PLD5: variants seen among roughly 807,000 people sequenced by gnomAD.
The protein encoded by PLD5 is inactive phospholipase D5.
PLD5 carries 36 observed loss-of-function variants against 61.1 expected under a neutral mutation model. That is an observed-to-expected ratio of 0.59 (90% CI 0.45 to 0.78). The LOEUF (loss-of-function observed/expected upper bound fraction) is 0.78, where lower values mean the gene tolerates loss of function less well. Among genes scored for constraint, PLD5 ranks in the 30% least tolerant of loss-of-function variants. PLD5 has a pLI of 0.00. For synonymous variants in PLD5, 243 were observed against 242.8 expected (o/e 1.00, Z -0.01); for missense variants, 515 against 644.4 (o/e 0.80, Z 2.17).
At chr1:242,097,680 C>A (rs1174081735) in intron 9 of PLD5, among the ~76,000 whole-genome samples, 1 of 152,048 alleles carries the variant, frequency 6.6e-6, no homozygotes, top group East Asian at 1.9e-4. Context: ...CAAAAATTTT[C>A]TCCCATTCTG....
At chr1:242,115,664 A>AAAAAAAAAAAAATCG (rs770237708) in intron 6 of PLD5, among the ~76,000 whole-genome samples, 11,171 of 151,066 alleles carry the variant, frequency 0.074, 492 homozygotes, top group African/African-American at 0.11. Context: ...TCTAAAAAAA[A>AAAAAAAAAAAAATCG]AAAAATCTTG....
intron 1 of PLD5, among the ~76,000 whole-genome samples, chr1:242,371,804 C>T (rs559879217): frequency 4.5e-4 from 69 of 152,080 alleles, no homozygotes; most frequent in Middle Eastern, 3.4e-3. Context: ...TATAGAGTGA[C>T]CTCAGTGGTA....
chr1:242,309,987 A>G (rs1488210674), intron 2 of PLD5, among the ~76,000 whole-genome samples: 4 of 151,634 alleles, frequency 2.6e-5, no homozygotes, highest in Non-Finnish European at 5.9e-5. Context: ...AGCTCACTCA[A>G]CAGTGGGTTT....
intron 1 of PLD5, among the ~76,000 whole-genome samples, chr1:242,449,850 C>T (rs767625142): frequency 1.7e-4 from 26 of 152,160 alleles, no homozygotes; most frequent in Non-Finnish European, 3.1e-4. Context: ...CAAAGACGAG[C>T]GAAGAGGGGC....
intron 3 of PLD5, among the ~76,000 whole-genome samples, chr1:242,267,627 C>T (rs1333457266): frequency 2.6e-5 from 4 of 151,886 alleles, no homozygotes. Flanking sequence ...TCCTTGTAAT[C>T]CCAGTGCTTT....
Position 242,182,404 on chromosome 1 carries a change from C to T in PLD5, c.735+37584G>A, listed in dbSNP as rs532867062. Among the ~76,000 whole-genome samples, 30 of 152,226 alleles carry T rather than the reference C, an allele frequency of 2.0e-4. No homozygotes were observed. The Middle Eastern group carries it at 0.01, about 52-fold the overall frequency. On this transcript the variant is annotated intron_variant, in intron 5 of 9. Transcript: ENST00000536534. ...AAAAACTATTCTGAAATTATTTATA[C>T]CTACCTCTATCTCTGTCTCTATCTG... is the stretch of plus-strand genomic sequence containing the variant.
chr1:242,287,904 T>C (rs1308989439), intron 3 of PLD5, among the ~76,000 whole-genome samples: 1 of 152,138 alleles, frequency 6.6e-6, no homozygotes, highest in African/African-American at 2.4e-5. Flanking sequence ...TCCTGGGAAA[T>C]TTCACTCTAT....
intron 2 of PLD5, chr1:242,345,559 A>G (rs2580213): frequency 7.6e-7 from 1 of 1,307,406 alleles, no homozygotes; most frequent in Non-Finnish European, 1.1e-6. Context: ...CTCACTCCCC[A>G]GGAAATGATT....
chr1:242,216,352 G>A (rs1043922127), intron 5 of PLD5, among the ~76,000 whole-genome samples: 6 of 152,160 alleles, frequency 3.9e-5, no homozygotes, highest in Non-Finnish European at 8.8e-5. Flanking sequence ...ACAAACCTTG[G>A]AAGGCTGGAA....
chr1:242,381,269 G>A (rs900218229), intron 1 of PLD5, among the ~76,000 whole-genome samples: 1 of 152,154 alleles, frequency 6.6e-6, no homozygotes, highest in Non-Finnish European at 1.5e-5. Flanking sequence ...GGAGCTGGAG[G>A]CCATTATCCT....
chr1:242,356,172 A>G (rs1197574606), intron 1 of PLD5, among the ~76,000 whole-genome samples: 1 of 152,100 alleles, frequency 6.6e-6, no homozygotes, highest in Admixed American at 6.6e-5. Context: ...AGTGATTATT[A>G]AATCCTCTAC....
chr1:242,375,301 C>G (rs986406362), intron 1 of PLD5, among the ~76,000 whole-genome samples: 14 of 152,136 alleles, frequency 9.2e-5, no homozygotes, highest in Non-Finnish European at 1.6e-4. Flanking sequence ...TTTTAAAGTC[C>G]CCCCATTCTT....
chr1:242,094,747 C>A (rs1660091980), intron 9 of PLD5, among the ~76,000 whole-genome samples: 1 of 151,998 alleles, frequency 6.6e-6, no homozygotes, highest in Admixed American at 6.6e-5. Flanking sequence ...GTGTTAGGAG[C>A]TCTTCATACA....
chr1:242,327,586 G>A (rs1436932945), intron 2 of PLD5, among the ~76,000 whole-genome samples: 1 of 152,076 alleles, frequency 6.6e-6, no homozygotes, highest in African/African-American at 2.4e-5. Flanking sequence ...CTGACTCCTT[G>A]AAAATGTTAT....
At chr1:242,435,819 A>G (rs558849558) in intron 1 of PLD5, among the ~76,000 whole-genome samples, 1 of 152,292 alleles carries the variant, frequency 6.6e-6, no homozygotes, top group East Asian at 1.9e-4. Flanking sequence ...TACCTTTGAC[A>G]TGGGAAGCAT....
chr1:242,396,668 C>CTTTCTT lies in PLD5; in HGVS notation c.190-48427_190-48426insAAGAAA, dbSNP rs1479365427. Among the ~76,000 whole-genome samples the CTTTCTT allele has an allele frequency of 5.7e-3, 707 of 124,974 alleles. 22 individuals are homozygous for CTTTCTT. Among genetic ancestry groups the CTTTCTT allele is most frequent in the East Asian group, 0.024 (107 of 4,444 alleles). The allele number at this position is 124,974 out of a possible 152,430, so 82.0% of individuals were successfully genotyped here. A position where few individuals can be genotyped will look rare whatever the true frequency, so the allele number is the denominator to read the frequency against. On this transcript the variant is annotated intron_variant, in intron 1 of 9. Coordinates refer to ENST00000536534, the MANE Select transcript of PLD5 (RefSeq NM_001372062.1). ...GCATGCTATTTTCTTTCTTTCTTTT[C>CTTTCTT]TTTTCTTTTTTTTTTTTTTTTTTGA... is the stretch of plus-strand genomic sequence containing the variant.
chr1:242,524,182 C>G lies in PLD5; in HGVS notation c.95G>C (p.Ser32Thr), dbSNP rs764736557. 1 of 1,534,682 alleles carries G rather than the reference C, an allele frequency of 6.5e-7. No individual in the cohort carries two copies. Among genetic ancestry groups the G allele is most frequent in the South Asian group, 1.2e-5 (1 of 84,054 alleles). ...GAAGTTCGCGCCCACTCGGGTCAGG[C>G]TTGGGGAGGGCTCCTTGGGGCGGCT... ...LKSRPKEPSP[S>T]LTRVGANFYS... Residue 32 changes from serine to threonine, a missense_variant, in exon 1 of 10, where the codon AGC (serine) becomes ACC (threonine). Physicochemically the swap from Ser to Thr is moderately conservative, Grantham distance 58 (BLOSUM62 1). Transcript: ENST00000536534.
intron 7 of PLD5, among the ~76,000 whole-genome samples, chr1:242,110,563 A>G (rs1375823380): frequency 1.3e-5 from 2 of 152,170 alleles, no homozygotes; most frequent in Non-Finnish European, 2.9e-5. Flanking sequence ...TAATCCTAGT[A>G]CTTTGGGAGG....
intron 8 of PLD5, among the ~76,000 whole-genome samples, chr1:242,103,252 C>T (rs1267745207): frequency 6.6e-6 from 1 of 152,170 alleles, no homozygotes; most frequent in Non-Finnish European, 1.5e-5. Context: ...CCATGGTCAC[C>T]CTTCCCCAGC....
Sources: allele counts gnomAD v4.1 joint callset (sites outside exome capture counted in the v4.1 genomes callset), GRCh38; gene constraint gnomAD v4.1.1; transcripts MANE v1.5; gene names NCBI Gene and HGNC (gene_info 2026-07-23, HGNC 2026-07-21).